Variants in ATRNL1 observed in about 807,000 individuals in gnomAD.
ATRNL1 encodes attractin-like protein 1.
Under a neutral mutation model 182.7 loss-of-function variants are expected in ATRNL1, and 95 were observed. That is an observed-to-expected ratio of 0.52 (90% CI 0.44 to 0.62). The LOEUF (loss-of-function observed/expected upper bound fraction) is 0.62, where lower values mean the gene tolerates loss of function less well. Ranked by LOEUF, ATRNL1 falls within the 20% of genes least tolerant of loss-of-function variation. The probability of loss-of-function intolerance (pLI) is 0.00; values close to 1 mark genes in which losing one functional copy is unlikely to be tolerated. For synonymous variants in ATRNL1, 576 were observed against 568.3 expected, an observed-to-expected ratio of 1.01 and a Z score of -0.19; for missense variants, 1,471 against 1,679.5, an observed-to-expected ratio of 0.88 and a Z score of 2.17.
chr10:115,854,783 C>T lies in ATRNL1; in HGVS notation c.4018+6792C>T, dbSNP rs138020809. 5.8e-3 allele frequency among the ~76,000 whole-genome samples: 886 copies of T among 152,302 alleles called. 19 individuals are homozygous for T. Among genetic ancestry groups the T allele is most frequent in the African/African-American group, 0.02 (828 of 41,568 alleles). On this transcript the variant is annotated intron_variant, in intron 28 of 28. Coordinates refer to ENST00000355044, the MANE Select transcript of ATRNL1 (RefSeq NM_207303.4). ...TCTCTCTTTGTGCCCTTTTACATCT[C>T]AGTAATCGTGAAGTTCTATAGATTT...
chr10:115,481,782 G>A (rs1034976764), intron 24 of ATRNL1, among the ~76,000 whole-genome samples: 7 of 150,588 alleles, frequency 4.6e-5, no homozygotes, highest in Non-Finnish European at 7.5e-5. Flanking sequence ...CTCTAGACAC[G>A]CTTCCATTTT....
intron 10 of ATRNL1, among the ~76,000 whole-genome samples, chr10:115,255,433 CTGTT>C (rs1446062268): frequency 1.3e-5 from 2 of 152,082 alleles, no homozygotes; most frequent in South Asian, 2.1e-4. Flanking sequence ...ATTTGACTCT[CTGTT>C]TGTCTGTTAA....
intron 1 of ATRNL1, among the ~76,000 whole-genome samples, chr10:115,107,869 G>A (rs1844084877): frequency 6.6e-6 from 1 of 152,160 alleles, no homozygotes; most frequent in Non-Finnish European, 1.5e-5. Context: ...CAGAATGCAG[G>A]GAGCAGATAC....
At chr10:115,250,920 G>T (rs1850849391) in intron 10 of ATRNL1, among the ~76,000 whole-genome samples, 1 of 152,174 alleles carries the variant, frequency 6.6e-6, no homozygotes, top group Admixed American at 6.5e-5. Flanking sequence ...AATGTATTCT[G>T]ACTATGTATG....
Position 115,469,290 on chromosome 10 carries a change from T to C in ATRNL1, c.3615T>C (p.Tyr1205=), listed in dbSNP as rs921983765. ...GAAGCAATCCTAACATTACATTCTA[T>C]GTGTACGTCAGCAACTTTTCCTGGC... ...NFRSNPNITF[Y]VYVSNFSWPI... Residue 1205 remains tyrosine (Y), a synonymous_variant, in exon 24 of 29, where the codon TAT becomes TAC. Coordinates refer to ENST00000355044, the MANE Select transcript of ATRNL1 (RefSeq NM_207303.4). 7 of 1,532,734 alleles carry C rather than the reference T, an allele frequency of 4.6e-6. No individual in the cohort carries two copies. Among genetic ancestry groups the C allele is most frequent in the Non-Finnish European group, 6.1e-6 (7 of 1,144,498 alleles). The allele number at this position is 1,532,734 out of a possible 1,614,324, so 94.9% of individuals were successfully genotyped here.
rs782574311 is a variant in ATRNL1 at position 115,300,094 on chromosome 10, A to T, written c.2476A>T (p.Met826Leu). The change falls in exon 16 of 29, where the codon ATG becomes TTG. Residue 826 changes from methionine to leucine, a missense_variant. Coordinates refer to ENST00000355044, the MANE Select transcript of ATRNL1 (RefSeq NM_207303.4). ...INISYWGWEDMSPFTNTTLQW... is the reference protein window; with the variant it reads ...INISYWGWEDLSPFTNTTLQW... ...TATATCCTATTGGGGATGGGAAGAC[A>T]TGTCTCCTTTTACAAACACAACACT... 1.2e-6 allele frequency: 2 copies of T among 1,613,964 alleles called. No homozygotes were observed. The highest frequency in any genetic ancestry group is 4.5e-5 in the East Asian group (2 of 44,880).
chr10:115,496,949 T>C (rs1849578851), intron 24 of ATRNL1, among the ~76,000 whole-genome samples: 1 of 152,198 alleles, frequency 6.6e-6, no homozygotes, highest in Non-Finnish European at 1.5e-5. Context: ...CTAGCAAGGC[T>C]AGGGGAGAAA....
At chr10:115,371,162 A>T (rs114475150) in intron 19 of ATRNL1, among the ~76,000 whole-genome samples, 1 of 152,168 alleles carries the variant, frequency 6.6e-6, no homozygotes, top group Non-Finnish European at 1.5e-5. Context: ...CTGGATGTCC[A>T]GGCAGAAGTT....
chr10:115,936,722 T>C (rs1953570581), intron 28 of ATRNL1, among the ~76,000 whole-genome samples: 1 of 152,198 alleles, frequency 6.6e-6, no homozygotes, highest in Admixed American at 6.5e-5. Context: ...ATACTACCAT[T>C]GTTCCATTTC....
rs782693801 is a variant in ATRNL1, at chr10:115,127,616, G to A, written c.515G>A (p.Arg172Lys). Residue 172 changes from arginine to lysine, a missense_variant, in exon 4 of 29, where the codon AGG (arginine) becomes AAG (lysine). Physicochemically the swap from Arg to Lys is conservative, Grantham distance 26. Coordinates refer to ENST00000355044, the MANE Select transcript of ATRNL1 (RefSeq NM_207303.4). ...VLSGLIVPEIRGNETVPEVVT... is the reference protein window; with the variant it reads ...VLSGLIVPEIKGNETVPEVVT... ...AGTGGTTTGATAGTCCCTGAAATAA[G>A]GGGCAATGAAACTGTGCCTGAAGTT... The A allele has an allele frequency of 2.5e-6, 4 of 1,609,088 alleles. No individual in the cohort carries two copies. Among genetic ancestry groups the A allele is most frequent in the Non-Finnish European group, 3.4e-6 (4 of 1,177,762 alleles).
At chr10:115,384,321 C>T (rs1554952045) in intron 19 of ATRNL1, among the ~76,000 whole-genome samples, 1 of 151,932 alleles carries the variant, frequency 6.6e-6, no homozygotes, top group African/African-American at 2.4e-5. Flanking sequence ...CTACCACAAT[C>T]AAGATAAACA....
chr10:115,401,328 A>G (rs1402679792), intron 20 of ATRNL1, among the ~76,000 whole-genome samples: 3 of 152,128 alleles, frequency 2.0e-5, no homozygotes, highest in African/African-American at 7.2e-5. Context: ...GGATGTATGT[A>G]GCAGCCAGCA....
intron 27 of ATRNL1, among the ~76,000 whole-genome samples, chr10:115,792,208 T>C (rs1949546481): frequency 6.6e-6 from 1 of 152,160 alleles, no homozygotes; most frequent in Non-Finnish European, 1.5e-5. Flanking sequence ...TTTGCAAGTA[T>C]CCTTCATCCT....
At chr10:115,326,647 C>T (rs1263591596) in intron 18 of ATRNL1, among the ~76,000 whole-genome samples, 44 of 151,798 alleles carry the variant, frequency 2.9e-4, no homozygotes, top group Non-Finnish European at 1.5e-4. Flanking sequence ...GCCAAAAGAA[C>T]AAAGCTGGAG....
chr10:115,143,938 A>G (rs1029392501), intron 5 of ATRNL1, among the ~76,000 whole-genome samples: 2 of 151,880 alleles, frequency 1.3e-5, no homozygotes, highest in Non-Finnish European at 2.9e-5. Context: ...TAAATTTTGA[A>G]GGGACACAGG....
intron 6 of ATRNL1, among the ~76,000 whole-genome samples, chr10:115,162,791 T>G (rs1846854540): frequency 6.6e-6 from 1 of 150,918 alleles, no homozygotes; most frequent in Admixed American, 6.7e-5. Context: ...AAAGAATGAC[T>G]GGTGAGATAG....
At chr10:115,686,255 A>G (rs934902920) in intron 26 of ATRNL1, among the ~76,000 whole-genome samples, 1 of 152,022 alleles carries the variant, frequency 6.6e-6, no homozygotes, top group Non-Finnish European at 1.5e-5. Flanking sequence ...ATGGTTGAAG[A>G]CGAAGCATTG....
chr10:115,453,756 A>G (rs1847387184), intron 21 of ATRNL1, among the ~76,000 whole-genome samples: 2 of 133,990 alleles, frequency 1.5e-5, no homozygotes, highest in Admixed American at 1.6e-4. Context: ...ATGAGAACAC[A>G]TGGACACAGG....
intron 1 of ATRNL1, among the ~76,000 whole-genome samples, chr10:115,112,782 A>T (rs1304759511): frequency 6.6e-6 from 1 of 152,222 alleles, no homozygotes; most frequent in African/African-American, 2.4e-5. Flanking sequence ...CATCTTGTTC[A>T]TTCTCTAATT....
Sources: allele counts gnomAD v4.1 joint callset (sites outside exome capture counted in the v4.1 genomes callset), GRCh38; gene constraint gnomAD v4.1.1; transcripts MANE v1.5; gene names NCBI Gene and HGNC (gene_info 2026-07-23, HGNC 2026-07-21).